WWOX: variants seen among roughly 807,000 people sequenced by gnomAD.
WWOX encodes the protein WW domain containing oxidoreductase, also known as WW domain-containing oxidoreductase.
Under a neutral mutation model 46.2 loss-of-function variants are expected in WWOX, and 69 were observed. That is an observed-to-expected ratio of 1.49 (90% CI 1.23 to 1.82). The LOEUF (loss-of-function observed/expected upper bound fraction) is 1.82, where lower values mean the gene tolerates loss of function less well. Among genes scored for constraint, WWOX ranks in the 40% most tolerant of loss-of-function variants. The pLI is 0.00. For synonymous variants in WWOX, 359 were observed against 202.6 expected, an observed-to-expected ratio of 1.77 and a Z score of -6.56; for missense variants, 919 against 542.6, an observed-to-expected ratio of 1.69 and a Z score of -6.89.
At chr16:79,142,629 A>G (rs2050111616) in intron 8 of WWOX, among the ~76,000 whole-genome samples, 1 of 152,198 alleles carries the variant, frequency 6.6e-6, no homozygotes, top group Non-Finnish European at 1.5e-5. Flanking sequence ...CTCCTCTTCG[A>G]GTCAGTATAT....
At chr16:78,258,842 T>G (rs1424751450) in intron 5 of WWOX, among the ~76,000 whole-genome samples, 1 of 152,058 alleles carries the variant, frequency 6.6e-6, no homozygotes, top group African/African-American at 2.4e-5. Context: ...ATGGAACAGT[T>G]AAGACCAGTT....
chr16:78,294,447 T>C (rs894855451), intron 5 of WWOX, among the ~76,000 whole-genome samples: 2 of 152,150 alleles, frequency 1.3e-5, no homozygotes, highest in East Asian at 3.9e-4. Flanking sequence ...ACTTGTTCTA[T>C]AAGAGCCATG....
At chr16:78,832,303 C>T (rs566663319) in intron 8 of WWOX, among the ~76,000 whole-genome samples, 15 of 152,190 alleles carry the variant, frequency 9.9e-5, no homozygotes, top group African/African-American at 3.4e-4. Context: ...GTCATCTGGT[C>T]TCCCACAGAG....
At chr16:79,017,705 G>T (rs995224197) in intron 8 of WWOX, among the ~76,000 whole-genome samples, 19 of 151,256 alleles carry the variant, frequency 1.3e-4, no homozygotes, top group Non-Finnish European at 1.5e-5. Context: ...ATATTTTTTT[G>T]ATTTTTTTTT....
chr16:78,229,978 C>G (rs574584780), intron 5 of WWOX, among the ~76,000 whole-genome samples: 2 of 152,068 alleles, frequency 1.3e-5, no homozygotes, highest in Non-Finnish European at 1.5e-5. Context: ...CTCTGGGGCT[C>G]AAGCGATCCT....
At chr16:79,073,869 G>A (rs2048598475) in intron 8 of WWOX, among the ~76,000 whole-genome samples, 1 of 152,072 alleles carries the variant, frequency 6.6e-6, no homozygotes, top group African/African-American at 2.4e-5. Flanking sequence ...TCTGTTCCAG[G>A]TAGTAATTTT....
At chr16:79,186,835 A>ACCTTTTCT (rs1170833852) in intron 8 of WWOX, among the ~76,000 whole-genome samples, 1 of 151,828 alleles carries the variant, frequency 6.6e-6, no homozygotes, top group African/African-American at 2.4e-5. Flanking sequence ...CACATTTCTC[A>ACCTTTTCT]CCTTTTCTCC....
intron 8 of WWOX, among the ~76,000 whole-genome samples, chr16:78,780,971 G>A (rs929157382): frequency 1.6e-4 from 24 of 152,284 alleles, no homozygotes; most frequent in Admixed American, 1.3e-3. Flanking sequence ...TCACCTTGGG[G>A]CCAGCCTGCA....
intron 8 of WWOX, among the ~76,000 whole-genome samples, chr16:78,727,839 G>T (rs972810120): frequency 3.3e-5 from 5 of 151,930 alleles, no homozygotes; most frequent in African/African-American, 9.7e-5. Flanking sequence ...CTCTACATCA[G>T]TGCTTCTTGG....
intron 8 of WWOX, among the ~76,000 whole-genome samples, chr16:78,504,630 G>A (rs912108095): frequency 1.3e-5 from 2 of 152,134 alleles, no homozygotes; most frequent in Admixed American, 1.3e-4. Context: ...TTAGCACCCA[G>A]AACTTATGAA....
chr16:79,158,396 C>G (rs1051290489), intron 8 of WWOX, among the ~76,000 whole-genome samples: 1 of 152,192 alleles, frequency 6.6e-6, no homozygotes, highest in African/African-American at 2.4e-5. Flanking sequence ...TAACACCATT[C>G]TGAATTGCAG....
At chr16:78,401,653 C>A (rs1041460421) in intron 6 of WWOX, among the ~76,000 whole-genome samples, 7 of 151,964 alleles carry the variant, frequency 4.6e-5, no homozygotes, top group Admixed American at 1.3e-4. Context: ...TTCTCAGAGC[C>A]CAGGGATTTT....
intron 8 of WWOX, among the ~76,000 whole-genome samples, chr16:78,543,776 A>C (rs1007178861): frequency 6.6e-6 from 1 of 152,074 alleles, no homozygotes; most frequent in Non-Finnish European, 1.5e-5. Flanking sequence ...TATACTGACA[A>C]TACACTGATG....
At chr16:79,011,125 A>G (rs2047295993) in intron 8 of WWOX, among the ~76,000 whole-genome samples, 1 of 135,338 alleles carries the variant, frequency 7.4e-6, no homozygotes, top group African/African-American at 2.9e-5. Flanking sequence ...ATATCTACTC[A>G]CTCACACATC....
intron 8 of WWOX, among the ~76,000 whole-genome samples, chr16:78,549,088 A>T (rs2044116218): frequency 6.6e-6 from 1 of 152,242 alleles, no homozygotes; most frequent in Non-Finnish European, 1.5e-5. Flanking sequence ...TGAGGAAAAT[A>T]AATCTCAGCT....
intron 5 of WWOX, among the ~76,000 whole-genome samples, chr16:78,244,530 A>G (rs935680126): frequency 6.6e-6 from 1 of 152,036 alleles, no homozygotes; most frequent in African/African-American, 2.4e-5. Context: ...CAAGATTTTT[A>G]TGGTTCTATT....
chr16:79,167,566 C>A (rs181678600), intron 8 of WWOX, among the ~76,000 whole-genome samples: 11 of 152,224 alleles, frequency 7.2e-5, no homozygotes, highest in African/African-American at 2.4e-4. Context: ...ATGGCCTCCA[C>A]GCATCGTAAT....
chr16:78,232,765 T>A (rs767773192), intron 5 of WWOX, among the ~76,000 whole-genome samples: 10 of 152,248 alleles, frequency 6.6e-5, no homozygotes, highest in Non-Finnish European at 1.5e-4. Flanking sequence ...CTGCTTCTTA[T>A]GTGATTCTTA....
At chr16:78,968,091 CCG>C (rs2046396881) in intron 8 of WWOX, among the ~76,000 whole-genome samples, 1 of 135,282 alleles carries the variant, frequency 7.4e-6, no homozygotes, top group Admixed American at 8.3e-5. Context: ...AGTGCATGGT[CCG>C]CATGGCACAG....
Sources: allele counts gnomAD v4.1 joint callset (sites outside exome capture counted in the v4.1 genomes callset), GRCh38; gene constraint gnomAD v4.1.1; transcripts MANE v1.5; gene names NCBI Gene and HGNC (gene_info 2026-07-23, HGNC 2026-07-21).